VKORC1L1: variants seen among roughly 807,000 people sequenced by gnomAD.
VKORC1L1 encodes the protein vitamin K epoxide reductase complex subunit 1L1.
VKORC1L1 carries 2 observed loss-of-function variants against 18.9 expected under a neutral mutation model. The observed-to-expected ratio is 0.11, with a 90% CI of 0.04 to 0.33. VKORC1L1 has a LOEUF of 0.33. Among genes scored for constraint, VKORC1L1 ranks in the 10% least tolerant of loss-of-function variants. The pLI is 1.00. For missense variants in VKORC1L1, 123 were observed against 224.1 expected (o/e 0.55, Z 2.88); for synonymous variants, 96 against 100.0 (o/e 0.96, Z 0.24).
At chr7:65,872,668 TAGTTTTGCACATTAAAAAAAA>T (rs1788740900), upstream of VKORC1L1, among the ~76,000 whole-genome samples, 2 of 152,060 alleles carry the variant, frequency 1.3e-5, no homozygotes, top group South Asian at 4.1e-4. Flanking sequence ...ATTTAAAACA[TAGTTTTGCACATTAAAAAAAA>T]AGTTTTGCAC....
intron 1 of VKORC1L1, among the ~76,000 whole-genome samples, chr7:65,918,238 C>T (rs2115607120): frequency 6.6e-6 from 1 of 152,182 alleles, no homozygotes; most frequent in African/African-American, 2.4e-5. Flanking sequence ...GGCAGTATTG[C>T]CTAAAAAGGG....
chr7:65,937,173 G>A (rs1382998655), intron 1 of VKORC1L1, among the ~76,000 whole-genome samples: 3 of 151,920 alleles, frequency 2.0e-5, no homozygotes, highest in Non-Finnish European at 2.9e-5. Context: ...TTACCCCTTG[G>A]GCAATTCTGC....
chr7:65,917,400 T>TCC (rs1789606568), intron 1 of VKORC1L1, among the ~76,000 whole-genome samples: 1 of 152,164 alleles, frequency 6.6e-6, no homozygotes, highest in Non-Finnish European at 1.5e-5. Flanking sequence ...CCTGTAAGTC[T>TCC]CTCCATGATT....
At chr7:65,881,410 T>C (rs1788925545) in intron 1 of VKORC1L1, among the ~76,000 whole-genome samples, 1 of 152,226 alleles carries the variant, frequency 6.6e-6, no homozygotes, top group Non-Finnish European at 1.5e-5. Context: ...TTACATACTG[T>C]ATGATTGCAT....
intron 1 of VKORC1L1, among the ~76,000 whole-genome samples, chr7:65,892,420 T>C (rs1459382385): frequency 6.6e-6 from 1 of 152,232 alleles, no homozygotes; most frequent in Admixed American, 6.5e-5. Context: ...TTCCCCTTTT[T>C]CCACATCCTC....
At chr7:65,932,470 T>G (rs180906799) in intron 1 of VKORC1L1, among the ~76,000 whole-genome samples, 1 of 152,288 alleles carries the variant, frequency 6.6e-6, no homozygotes, top group African/African-American at 2.4e-5. Flanking sequence ...TATAAGCATT[T>G]TAATGCTATA....
chr7:65,902,252 C>T (rs1046519230), intron 1 of VKORC1L1, among the ~76,000 whole-genome samples: 3 of 152,028 alleles, frequency 2.0e-5, no homozygotes, highest in Admixed American at 2.0e-4. Flanking sequence ...ACAGCAATTA[C>T]AAATATGCTG....
intron 1 of VKORC1L1, among the ~76,000 whole-genome samples, chr7:65,919,515 C>A (rs1297723954): frequency 6.6e-6 from 1 of 152,144 alleles, no homozygotes; most frequent in African/African-American, 2.4e-5. Flanking sequence ...AAGTCAGAAA[C>A]CTCTGTGTCA....
rs2115775368 is a variant in VKORC1L1 at position 65,957,950 on chromosome 7, A to T, written c.*3650A>T. On this transcript the variant is annotated 3_prime_UTR_variant, in exon 3 of 3. Transcript: ENST00000360768. ...CAATTACTTCACAACTTAGATTGGT[A>T]CCAAGAGTGACAGGAGATCTTGTCT... The T allele has an allele frequency of 6.6e-6, 1 of 152,380 alleles. No individual in the cohort carries two copies. Among genetic ancestry groups the T allele is most frequent in the African/African-American group, 2.4e-5 (1 of 41,596 alleles). 9.4% of individuals were successfully genotyped at this position (152,380 alleles called of 1,614,324 possible).
intron 1 of VKORC1L1, among the ~76,000 whole-genome samples, chr7:65,947,830 A>G (rs972756371): frequency 6.6e-6 from 1 of 151,906 alleles, no homozygotes; most frequent in Non-Finnish European, 1.5e-5. Context: ...AGCTGGGATT[A>G]CAGGTGCACA....
chr7:65,886,501 A>G (rs531092193), intron 1 of VKORC1L1, among the ~76,000 whole-genome samples: 63 of 152,248 alleles, frequency 4.1e-4, no homozygotes, highest in Middle Eastern at 6.8e-3. Context: ...TATAAAGAAG[A>G]AGGTGCCTTT....
chr7:65,935,569 A>G (rs1422942792), intron 1 of VKORC1L1, among the ~76,000 whole-genome samples: 1 of 152,098 alleles, frequency 6.6e-6, no homozygotes, highest in African/African-American at 2.4e-5. Context: ...TCAGCCTCCC[A>G]AAGTGCTGGG....
At chr7:65,873,949 CG>C (rs907481927) in intron 1 of VKORC1L1, among the ~76,000 whole-genome samples, 4 of 151,986 alleles carry the variant, frequency 2.6e-5, no homozygotes, top group African/African-American at 9.7e-5. Context: ...GGAGGCGGGC[CG>C]GGGGTGTGGG....
intron 1 of VKORC1L1, among the ~76,000 whole-genome samples, chr7:65,931,313 T>A (rs1440528501): frequency 6.6e-6 from 1 of 152,196 alleles, no homozygotes; most frequent in Non-Finnish European, 1.5e-5. Flanking sequence ...GTACAATTGG[T>A]ATTACTTCGT....
chr7:65,941,996 C>T lies in VKORC1L1; in HGVS notation c.195-6675C>T, dbSNP rs1464138407. On this transcript the variant is annotated intron_variant, in intron 1 of 2. Coordinates refer to ENST00000360768, the MANE Select transcript of VKORC1L1 (RefSeq NM_173517.6). ...TTCTTCATCCGGCTACTGATTCACG[C>T]ATGTGTTCAGCTCATAGAAATTAAC... 2.0e-5 allele frequency among the ~76,000 whole-genome samples: 3 copies of T among 152,096 alleles called. No homozygotes were observed. The East Asian group carries it at 5.8e-4, about 29-fold the overall frequency.
At chr7:65,887,536 C>T (rs923628958) in intron 1 of VKORC1L1, among the ~76,000 whole-genome samples, 3 of 151,530 alleles carry the variant, frequency 2.0e-5, no homozygotes, top group African/African-American at 7.3e-5. Flanking sequence ...TAAACTTAAG[C>T]CTCCACTTCC....
chr7:65,883,475 G>C (rs1419635323), intron 1 of VKORC1L1, among the ~76,000 whole-genome samples: 2 of 149,046 alleles, frequency 1.3e-5, no homozygotes, highest in Admixed American at 6.7e-5. Context: ...AAAATACATT[G>C]ATAGAATAAA....
At chr7:65,879,753 TTTTC>T (rs1418674790) in intron 1 of VKORC1L1, among the ~76,000 whole-genome samples, 3 of 151,948 alleles carry the variant, frequency 2.0e-5, no homozygotes, top group Admixed American at 1.3e-4. Flanking sequence ...CCTTCCTTCC[TTTTC>T]TTTATTTTTC....
upstream of VKORC1L1, among the ~76,000 whole-genome samples, chr7:65,872,269 T>C (rs1044170975): frequency 3.3e-5 from 5 of 152,234 alleles, no homozygotes; most frequent in South Asian, 2.1e-4. Flanking sequence ...ATATGAGTTA[T>C]GGTAAGCAAC....
Sources: allele counts gnomAD v4.1 joint callset (sites outside exome capture counted in the v4.1 genomes callset), GRCh38; gene constraint gnomAD v4.1.1; transcripts MANE v1.5; gene names NCBI Gene and HGNC (gene_info 2026-07-23, HGNC 2026-07-21).